Variants in TMCO5A observed in about 807,000 individuals in gnomAD.
TMCO5A encodes transmembrane and coiled-coil domain-containing protein 5A.
A neutral mutation model predicts 42.3 loss-of-function variants in TMCO5A; 34 were observed. The observed-to-expected ratio is 0.80, with a 90% CI of 0.61 to 1.07. The LOEUF (loss-of-function observed/expected upper bound fraction) is 1.07, where lower values mean the gene tolerates loss of function less well. Ranked by LOEUF, TMCO5A falls within the 50% of genes least tolerant of loss-of-function variation. The pLI is 0.00. For missense variants in TMCO5A, 357 were observed against 327.9 expected, an observed-to-expected ratio of 1.09 and a Z score of -0.69; for synonymous variants, 131 against 115.6, an observed-to-expected ratio of 1.13 and a Z score of -0.86.
chr15:37,960,296 T>C (rs2140812863), intron 11 of TMCO5A, among the ~76,000 whole-genome samples: 1 of 152,230 alleles, frequency 6.6e-6, no homozygotes, highest in African/African-American at 2.4e-5. Flanking sequence ...TGGTTTTCCA[T>C]TCCTGAGTTA....
chr15:37,998,444 T>C, the TMCO5A span, among the ~76,000 whole-genome samples: 7 of 152,200 alleles, frequency 4.6e-5, no homozygotes, highest in African/African-American at 1.7e-4. Context: ...CAGCACCGTT[T>C]ATGAAAAGAC....
At chr15:37,969,493 C>T (rs1468633204), downstream of TMCO5A, among the ~76,000 whole-genome samples, 1 of 152,114 alleles carries the variant, frequency 6.6e-6, no homozygotes, top group Admixed American at 6.5e-5. Context: ...ATGAGAATAC[C>T]CAACACTATG....
intron 11 of TMCO5A, among the ~76,000 whole-genome samples, chr15:37,962,758 T>A (rs1236315975): frequency 1.3e-5 from 2 of 152,154 alleles, no homozygotes; most frequent in Non-Finnish European, 2.9e-5. Context: ...TTCTTCCCAG[T>A]TTAAGCTAGG....
chr15:38,034,418 G>T, the TMCO5A span, among the ~76,000 whole-genome samples: 16 of 152,306 alleles, frequency 1.1e-4, no homozygotes, highest in African/African-American at 3.8e-4. Context: ...GTATACCTGG[G>T]ACATTGAGTG....
At position 37,951,201 on chromosome 15, in the gene TMCO5A, C is replaced by T. The variant is rs148069270; in HGVS notation, c.834C>T (p.Leu278=). The change falls in exon 12 of 12, where the codon CTC becomes CTT. Residue 278 remains leucine (L), a synonymous_variant. Coordinates refer to ENST00000319669, the MANE Select transcript of TMCO5A (RefSeq NM_152453.4). ...TCAGATGCTTCTTCTTTCCATCTCT[C>T]ACACTTGAGACAGAGGACATGTTAC... ...WKLRCFFFPS[L]TLETEDMLPH The T allele has an allele frequency of 7.1e-4, 1,139 of 1,613,698 alleles. No homozygotes were observed. The highest frequency in any genetic ancestry group is 9.3e-4 in the Non-Finnish European group (1,096 of 1,179,856).
the TMCO5A span, among the ~76,000 whole-genome samples, chr15:38,035,563 A>G: frequency 6.6e-6 from 1 of 152,226 alleles, no homozygotes; most frequent in Admixed American, 6.5e-5. Flanking sequence ...GAAGAAGAAA[A>G]GCCAACATAA....
chr15:37,984,208 C>T, the TMCO5A span, among the ~76,000 whole-genome samples: 1 of 152,110 alleles, frequency 6.6e-6, no homozygotes, highest in Admixed American at 6.6e-5. Flanking sequence ...TAGCAAAGCA[C>T]ATTAATAAAT....
downstream of TMCO5A, among the ~76,000 whole-genome samples, chr15:37,970,546 TC>T (rs2140831199): frequency 6.6e-6 from 1 of 152,220 alleles, no homozygotes; most frequent in South Asian, 2.1e-4. Context: ...TTTCCTACAG[TC>T]CCCCAAAGTC....
the TMCO5A span, among the ~76,000 whole-genome samples, chr15:38,010,282 A>G: frequency 6.7e-6 from 1 of 148,706 alleles, no homozygotes; most frequent in East Asian, 2.0e-4. Context: ...AGGCTGAGGC[A>G]GGAGAATGGC....
chr15:37,939,540 T>C lies in TMCO5A; in HGVS notation c.387+1311T>C, dbSNP rs117454406. On this transcript the variant is annotated intron_variant, in intron 6 of 11. Transcript: ENST00000319669. ...CAGCCAGAATTGAGTGGTGACACTTTCAGTCTGGCTGCACTCACATTGTCA... is the reference window on the plus strand; with the variant it reads ...CAGCCAGAATTGAGTGGTGACACTTCCAGTCTGGCTGCACTCACATTGTCA... Among the ~76,000 whole-genome samples the C allele has an allele frequency of 2.6e-5, 4 of 152,224 alleles. No homozygotes were observed. In the East Asian group the frequency reaches 7.7e-4, roughly 29 times the overall value.
the TMCO5A span, among the ~76,000 whole-genome samples, chr15:38,030,634 G>A: frequency 2.0e-5 from 3 of 152,020 alleles, no homozygotes; most frequent in South Asian, 2.1e-4. Flanking sequence ...TAAAGGGCTC[G>A]ACCTGACGTG....
At chr15:37,955,352 A>G (rs1890261326), downstream of TMCO5A, among the ~76,000 whole-genome samples, 1 of 152,000 alleles carries the variant, frequency 6.6e-6, no homozygotes. Context: ...GCTGTAATAA[A>G]TAGTCTCCCA....
chr15:37,978,734 G>A, the TMCO5A span, among the ~76,000 whole-genome samples: 2 of 152,196 alleles, frequency 1.3e-5, no homozygotes, highest in African/African-American at 4.8e-5. Flanking sequence ...TTGAGAGGCT[G>A]TATTAGTCCA....
At chr15:37,962,611 T>G (rs1890457221) in intron 11 of TMCO5A, among the ~76,000 whole-genome samples, 1 of 152,150 alleles carries the variant, frequency 6.6e-6, no homozygotes, top group South Asian at 2.1e-4. Flanking sequence ...TCAAAATGGT[T>G]GGTACCAATT....
At chr15:38,021,602 G>C in the TMCO5A span, among the ~76,000 whole-genome samples, 14 of 152,040 alleles carry the variant, frequency 9.2e-5, no homozygotes, top group Non-Finnish European at 1.8e-4. Flanking sequence ...AGGGAGACTA[G>C]GTTTTGATTG....
At chr15:37,979,929 A>C in the TMCO5A span, among the ~76,000 whole-genome samples, 1 of 151,832 alleles carries the variant, frequency 6.6e-6, no homozygotes, top group Non-Finnish European at 1.5e-5. Flanking sequence ...TTCATAAGAC[A>C]GCTGCACTGT....
chr15:38,028,723 A>C, the TMCO5A span, among the ~76,000 whole-genome samples: 1 of 152,188 alleles, frequency 6.6e-6, no homozygotes, highest in Non-Finnish European at 1.5e-5. Flanking sequence ...TTAACAATCA[A>C]GGGCAGATAG....
the TMCO5A span, among the ~76,000 whole-genome samples, chr15:38,032,861 T>C: frequency 1.3e-5 from 2 of 152,156 alleles, no homozygotes; most frequent in Admixed American, 6.5e-5. Context: ...CTCAGTGGTA[T>C]GTTTAAAGAG....
At chr15:37,954,935 A>G (rs1890249208), downstream of TMCO5A, among the ~76,000 whole-genome samples, 1 of 152,022 alleles carries the variant, frequency 6.6e-6, no homozygotes, top group African/African-American at 2.4e-5. Flanking sequence ...ATCTCAAAAA[A>G]CATACAATGA....
Sources: allele counts gnomAD v4.1 joint callset (sites outside exome capture counted in the v4.1 genomes callset), GRCh38; gene constraint gnomAD v4.1.1; transcripts MANE v1.5; gene names NCBI Gene and HGNC (gene_info 2026-07-23, HGNC 2026-07-21).